TATDN1: variants seen among roughly 807,000 people sequenced by gnomAD.
TATDN1 encodes the protein deoxyribonuclease TATDN1.
TATDN1 carries 40 observed loss-of-function variants against 46.4 expected under a neutral mutation model. The observed-to-expected ratio is 0.86, with a 90% CI of 0.67 to 1.12. The LOEUF (loss-of-function observed/expected upper bound fraction) is 1.12. Ranked by LOEUF, TATDN1 falls within the 50% of genes most tolerant of loss-of-function variation. TATDN1 has a pLI of 0.00. For missense variants in TATDN1, 326 were observed against 348.4 expected (o/e 0.94, Z 0.51); for synonymous variants, 95 against 105.6 (o/e 0.90, Z 0.62).
At chr8:124,516,919 T>C (rs1563672753) in intron 4 of TATDN1, among the ~76,000 whole-genome samples, 1 of 152,168 alleles carries the variant, frequency 6.6e-6, no homozygotes, top group Non-Finnish European at 1.5e-5. Flanking sequence ...GGTATCAAGC[T>C]TTCCTCAGGC....
intron 2 of TATDN1, 111 bp from the exon 3 acceptor site, chr8:124,522,311 T>C: frequency 1.4e-6 from 1 of 720,500 alleles, no homozygotes. Context: ...AATTATAAAC[T>C]TCTACAGGTA....
chr8:124,531,881 T>C (rs1820990978), intron 1 of TATDN1, among the ~76,000 whole-genome samples: 1 of 152,232 alleles, frequency 6.6e-6, no homozygotes, highest in African/African-American at 2.4e-5. Context: ...GGTTAGATTA[T>C]GTATGAAGGT....
chr8:124,492,985 G>A (rs768734782), intron 11 of TATDN1, among the ~76,000 whole-genome samples: 3 of 152,096 alleles, frequency 2.0e-5, no homozygotes, highest in Non-Finnish European at 4.4e-5. Flanking sequence ...GTCAGCTCAA[G>A]CATGTTAATA....
At chr8:124,505,790 C>T (rs1266508305) in intron 8 of TATDN1, among the ~76,000 whole-genome samples, 1 of 151,916 alleles carries the variant, frequency 6.6e-6, no homozygotes, top group Non-Finnish European at 1.5e-5. Flanking sequence ...TAACATATTT[C>T]TCAACAATAA....
chr8:124,536,186 G>A lies in TATDN1; in HGVS notation c.22+2839C>T, dbSNP rs536209769. ...ACAGGTAGAAGTATTTTTGAGAGTG[G>A]AAGAGTTTGTAAATAACACCCAGGG... On this transcript the variant is annotated intron_variant, in intron 1 of 11. Coordinates refer to ENST00000276692, the MANE Select transcript of TATDN1 (RefSeq NM_032026.4). 9.9e-5 allele frequency among the ~76,000 whole-genome samples: 15 copies of A among 152,274 alleles called. No individual in the cohort carries two copies. The South Asian group carries it at 3.1e-3, about 32-fold the overall frequency.
intron 6 of TATDN1, among the ~76,000 whole-genome samples, chr8:124,513,539 C>T (rs74725536): frequency 0.024 from 3,599 of 152,278 alleles, 76 homozygotes; most frequent in Middle Eastern, 0.058. Context: ...TAGCAATTAA[C>T]GCTTGGCATG....
At position 124,522,353 on chromosome 8, in the gene TATDN1, T is replaced by C. The variant is rs141407204; in HGVS notation, c.89-153A>G. Among the ~76,000 whole-genome samples the C allele has an allele frequency of 7.5e-3, 1,137 of 152,332 alleles. 18 individuals carry two copies. Among genetic ancestry groups the C allele is most frequent in the Admixed American group, 0.044 (670 of 15,294 alleles). On this transcript the variant is annotated intron_variant, in intron 2 of 11. Coordinates refer to ENST00000276692, the MANE Select transcript of TATDN1 (RefSeq NM_032026.4). The stretch of plus-strand genomic sequence containing the variant: ...CCTTAATTAAACTTTATTATAAATG[T>C]TCATGATCATGGTTTATCAATAAAT...
chr8:124,490,262 A>G (rs1816852353), intron 11 of TATDN1: 1 of 152,124 alleles, frequency 6.6e-6, no homozygotes, highest in South Asian at 2.1e-4. Flanking sequence ...GCCTGTAATC[A>G]CAGCACTTTG....
chr8:124,511,581 G>C (rs1352571782), intron 6 of TATDN1, among the ~76,000 whole-genome samples: 1 of 151,918 alleles, frequency 6.6e-6, no homozygotes, highest in African/African-American at 2.4e-5. Flanking sequence ...GAAAATACAG[G>C]GTATGGCTTA....
intron 6 of TATDN1, among the ~76,000 whole-genome samples, chr8:124,513,598 T>C (rs944837010): frequency 1.3e-5 from 2 of 152,268 alleles, no homozygotes; most frequent in Admixed American, 6.5e-5. Flanking sequence ...TCAGACGCTA[T>C]TCTGATGATG....
Position 124,519,112 on chromosome 8 carries a change from C to T in TATDN1, c.139-231G>A, listed in dbSNP as rs114647118. Among the ~76,000 whole-genome samples, 657 of 152,278 alleles carry T rather than the reference C, an allele frequency of 4.3e-3. 5 individuals carry two copies. The highest frequency in any genetic ancestry group is 0.015 in the African/African-American group (637 of 41,532). Reference sequence around the variant, plus strand: ...GCATGTAGAGGTGCAGAATTCATCACTAGACTCTGTTAAAATGTATTTATA... The same window carrying T: ...GCATGTAGAGGTGCAGAATTCATCATTAGACTCTGTTAAAATGTATTTATA... On this transcript the variant is annotated intron_variant, in intron 3 of 11. Coordinates refer to ENST00000276692, the MANE Select transcript of TATDN1 (RefSeq NM_032026.4).
chr8:124,531,246 G>A (rs13253319), intron 1 of TATDN1, among the ~76,000 whole-genome samples: 26,961 of 152,070 alleles, frequency 0.18, 2,540 homozygotes, highest in Middle Eastern at 0.22. Context: ...TAAGTGCACA[G>A]ACCAACCAGT....
At chr8:124,499,432 A>G (rs367609725) in intron 9 of TATDN1, among the ~76,000 whole-genome samples, 169 of 152,278 alleles carry the variant, frequency 1.1e-3, no homozygotes, top group African/African-American at 3.9e-3. Context: ...AATTTGCCCA[A>G]ATATATATAC....
chr8:124,522,721 G>A (rs1820155567), intron 2 of TATDN1, among the ~76,000 whole-genome samples: 1 of 151,848 alleles, frequency 6.6e-6, no homozygotes, highest in Non-Finnish European at 1.5e-5. Flanking sequence ...GCCCAGCCAG[G>A]AGTTCTTTAT....
Position 124,534,145 on chromosome 8 carries a change from CAAAAAAAAAAAAAAAAAAA to C in TATDN1, c.22+4861_22+4879del, listed in dbSNP as rs869060230. ...TGGGCAACAGAGCGAGACTCCGTCT[CAAAAAAAAAAAAAAAAAAA>C]AAAAAAAAAAAAAAAGAAATGCGCT... On this transcript the variant is annotated intron_variant, in intron 1 of 11. Coordinates refer to ENST00000276692, the MANE Select transcript of TATDN1 (RefSeq NM_032026.4). Among the ~76,000 whole-genome samples the C allele has an allele frequency of 4.7e-4, 24 of 51,270 alleles. 1 individual carries two copies. The highest frequency in any genetic ancestry group is 2.6e-3 in the East Asian group (2 of 764). The allele number at this position is 51,270 out of a possible 152,430, so 33.6% of individuals were successfully genotyped here.
chr8:124,504,095 T>G (rs1026917702), intron 9 of TATDN1, 176 bp downstream of exon 9: 6 of 732,292 alleles, frequency 8.2e-6, no homozygotes, highest in Non-Finnish European at 1.3e-5. Context: ...CTTTAACTTT[T>G]AATAGTAATG....
chr8:124,524,778 T>A (rs1264489733), intron 1 of TATDN1, among the ~76,000 whole-genome samples: 1 of 152,078 alleles, frequency 6.6e-6, no homozygotes, highest in African/African-American at 2.4e-5. Flanking sequence ...AGAATGGGGA[T>A]CAACAGATGA....
At chr8:124,527,035 A>C in intron 1 of TATDN1, among the ~76,000 whole-genome samples, 1 of 152,192 alleles carries the variant, frequency 6.6e-6, no homozygotes, top group East Asian at 1.9e-4. Flanking sequence ...GAAGAACTTT[A>C]TTTCTTTTAT....
chr8:124,488,591 C>A lies in TATDN1; in HGVS notation c.*3G>T. The stretch of plus-strand genomic sequence containing the variant: ...ATGATGGAAAGTGGAAGACATATAC[C>A]AATTATATTCCAGGAAAAAATACTT... On this transcript the variant is annotated 3_prime_UTR_variant, in exon 12 of 12. Coordinates refer to ENST00000276692, the MANE Select transcript of TATDN1 (RefSeq NM_032026.4). The A allele has an allele frequency of 1.4e-6, 2 of 1,413,246 alleles. No individual in the cohort carries two copies. The highest frequency in any genetic ancestry group is 2.0e-6 in the Non-Finnish European group (2 of 1,011,804). The allele number at this position is 1,413,246 out of a possible 1,614,324, so 87.5% of individuals were successfully genotyped here.
Sources: gnomAD v4.1 joint callset for allele counts (sites outside exome capture counted in the v4.1 genomes callset) on GRCh38, gnomAD v4.1.1 for gene constraint, MANE v1.5 for transcripts, NCBI Gene and HGNC (gene_info 2026-07-23, HGNC 2026-07-21) for gene names.